The following DLG2 variants were observed in gnomAD, a reference collection of about 807,000 sequenced individuals.
The protein encoded by DLG2 is disks large homolog 2.
Under a neutral mutation model 132.5 loss-of-function variants are expected in DLG2, and 45 were observed. The observed-to-expected ratio is 0.34, with a 90% confidence interval of 0.27 to 0.44. The LOEUF is 0.44. DLG2 is among the 20% of genes least tolerant of loss of function. The pLI is 1.00. For missense variants in DLG2, 1,045 were observed against 1,196.9 expected (o/e 0.87, Z 1.87); for synonymous variants, 424 against 419.6 (o/e 1.01, Z -0.13).
chr11:83,851,877 C>A (rs2059839006), intron 16 of DLG2, among the ~76,000 whole-genome samples: 1 of 151,510 alleles, frequency 6.6e-6, no homozygotes, highest in Non-Finnish European at 1.5e-5. Flanking sequence ...CAAGATCGTG[C>A]CACTGAACTC....
intron 3 of DLG2, among the ~76,000 whole-genome samples, chr11:85,398,468 C>A (rs1369647143): frequency 1.3e-5 from 2 of 151,830 alleles, no homozygotes; most frequent in East Asian, 3.9e-4. Flanking sequence ...AAAAAATCTT[C>A]AAAAAATCAA....
intron 6 of DLG2, among the ~76,000 whole-genome samples, chr11:84,553,778 C>A (rs1400761811): frequency 6.6e-6 from 1 of 152,116 alleles, no homozygotes; most frequent in Non-Finnish European, 1.5e-5. Flanking sequence ...GTATTGTGGA[C>A]CATTCACATG....
chr11:83,695,082 T>C (rs1051390334), intron 18 of DLG2, among the ~76,000 whole-genome samples: 1 of 152,244 alleles, frequency 6.6e-6, no homozygotes, highest in African/African-American at 2.4e-5. Context: ...TACATTCTCT[T>C]TCCTTTAAGT....
At chr11:84,240,189 C>T (rs781419063) in intron 8 of DLG2, among the ~76,000 whole-genome samples, 1 of 152,144 alleles carries the variant, frequency 6.6e-6, no homozygotes, top group Non-Finnish European at 1.5e-5. Context: ...GCCTCTTGGA[C>T]TACATGTGCA....
chr11:83,858,097 G>A (rs1355423481), intron 16 of DLG2, among the ~76,000 whole-genome samples: 22 of 152,116 alleles, frequency 1.4e-4, no homozygotes, highest in Non-Finnish European at 1.2e-4. Context: ...GAAGACATTC[G>A]ATCTAGCACA....
chr11:84,740,499 G>C (rs2064460603), intron 6 of DLG2, among the ~76,000 whole-genome samples: 1 of 151,374 alleles, frequency 6.6e-6, no homozygotes, highest in African/African-American at 2.4e-5. Flanking sequence ...GCCCTACCCA[G>C]CCACTGTGGG....
chr11:85,266,022 T>C (rs2077190435), intron 4 of DLG2, among the ~76,000 whole-genome samples: 1 of 152,264 alleles, frequency 6.6e-6, no homozygotes, highest in South Asian at 2.1e-4. Context: ...GCTGTCACAC[T>C]GGCCCTTTGC....
intron 9 of DLG2, among the ~76,000 whole-genome samples, chr11:84,133,768 C>G (rs1301289574): frequency 6.6e-6 from 1 of 151,908 alleles, no homozygotes; most frequent in Non-Finnish European, 1.5e-5. Context: ...GATGTACACC[C>G]CTATGCCCAG....
At chr11:83,645,779 T>C (rs2067978215) in intron 18 of DLG2, 1 of 152,064 alleles carries the variant, frequency 6.6e-6, no homozygotes, top group African/African-American at 2.4e-5. Flanking sequence ...GGCTAAAAAT[T>C]TGGGAGATGC....
intron 4 of DLG2, among the ~76,000 whole-genome samples, chr11:85,280,071 AT>A (rs2078135204): frequency 6.6e-6 from 1 of 152,130 alleles, no homozygotes; most frequent in South Asian, 2.1e-4. Flanking sequence ...TATACTATGC[AT>A]TTTAATATAA....
chr11:84,896,566 A>G (rs918862028), intron 6 of DLG2, among the ~76,000 whole-genome samples: 1 of 152,066 alleles, frequency 6.6e-6, no homozygotes, highest in African/African-American at 2.4e-5. Flanking sequence ...AGTTCTCACC[A>G]TATGCCAGAC....
At chr11:83,902,961 AT>A (rs986077238) in intron 15 of DLG2, among the ~76,000 whole-genome samples, 35 of 152,144 alleles carry the variant, frequency 2.3e-4, no homozygotes, top group Middle Eastern at 3.4e-3. Flanking sequence ...ACACACATTT[AT>A]TTTTTTCCAT....
chr11:84,851,064 GAATA>G (rs1377391550), intron 6 of DLG2, among the ~76,000 whole-genome samples: 4 of 151,996 alleles, frequency 2.6e-5, no homozygotes, highest in Non-Finnish European at 4.4e-5. Context: ...ATAAGTGAAT[GAATA>G]TTCAAAAACA....
intron 19 of DLG2, chr11:83,632,875 T>C (rs12275254): frequency 0.36 from 84,639 of 234,534 alleles, 18,606 homozygotes; most frequent in African/African-American, 0.67. Flanking sequence ...TGATGGTAAG[T>C]AAATGTCCAA....
intron 6 of DLG2, among the ~76,000 whole-genome samples, chr11:84,683,092 G>A (rs1595683753): frequency 1.3e-5 from 2 of 152,190 alleles, no homozygotes; most frequent in East Asian, 3.8e-4. Context: ...TCTGAATGAT[G>A]AGTGTAAGTT....
intron 3 of DLG2, among the ~76,000 whole-genome samples, chr11:85,306,353 T>C (rs1478448923): frequency 6.6e-6 from 1 of 152,150 alleles, no homozygotes; most frequent in Non-Finnish European, 1.5e-5. Context: ...GAGCTTACAT[T>C]CTATAAAATG....
intron 11 of DLG2, among the ~76,000 whole-genome samples, chr11:84,051,141 T>A (rs1175367483): frequency 6.6e-6 from 1 of 151,886 alleles, no homozygotes; most frequent in Non-Finnish European, 1.5e-5. Context: ...CTGGAGAGGA[T>A]GTGGAGAAAT....
chr11:84,547,383 C>T (rs1261765394), intron 6 of DLG2, among the ~76,000 whole-genome samples: 1 of 152,134 alleles, frequency 6.6e-6, no homozygotes, highest in African/African-American at 2.4e-5. Flanking sequence ...TCACAAAGTA[C>T]ACTTTAGCCT....
chr11:85,401,269 C>T (rs938123733), intron 3 of DLG2, among the ~76,000 whole-genome samples: 3 of 152,026 alleles, frequency 2.0e-5, no homozygotes, highest in Non-Finnish European at 4.4e-5. Flanking sequence ...GCAGAAAAGG[C>T]CTTTGACAAA....
Sources: gnomAD v4.1 joint callset for allele counts (sites outside exome capture counted in the v4.1 genomes callset) on GRCh38, gnomAD v4.1.1 for gene constraint, MANE v1.5 for transcripts, NCBI Gene and HGNC (gene_info 2026-07-23, HGNC 2026-07-21) for gene names.